Variants in TTYH3 observed in about 807,000 individuals in gnomAD.
TTYH3 encodes tweety family member 3, also known as protein tweety homolog 3.
In TTYH3, 23 loss-of-function variants were observed where a neutral mutation model predicts 68.2. The ratio of observed to expected loss-of-function variants is 0.34; its 90% CI spans 0.24 to 0.48. The LOEUF is 0.48. TTYH3 is among the 20% of genes least tolerant of loss of function. The probability of loss-of-function intolerance (pLI) is 0.99; values close to 1 mark genes in which losing one functional copy is unlikely to be tolerated. For missense variants in TTYH3, 768 were observed against 727.7 expected, an observed-to-expected ratio of 1.06 and a Z score of -0.64; for synonymous variants, 360 against 332.8, an observed-to-expected ratio of 1.08 and a Z score of -0.89.
intron 1 of TTYH3, among the ~76,000 whole-genome samples, chr7:2,644,395 G>A (rs896217417): frequency 6.6e-5 from 10 of 152,308 alleles, no homozygotes; most frequent in South Asian, 2.1e-4. Context: ...CATGGGTACC[G>A]TGCTGGGACT....
In TTYH3 at chr7:2,645,447, T is replaced by G. The variant is rs1785954736; in HGVS notation, c.124-1406T>G. On this transcript the variant is annotated intron_variant, in intron 1 of 13. Transcript: ENST00000258796. The surrounding 1 kb of genome is among the most constrained non-coding windows in gnomAD (Gnocchi z 4.8). ...CCCCGCAGCGGGTGCTGAGGAAATGTCACTGTTGCATCAAATTAGCCACTT... is the reference window on the plus strand; with the variant it reads ...CCCCGCAGCGGGTGCTGAGGAAATGGCACTGTTGCATCAAATTAGCCACTT... 1 of 172,948 alleles carries G rather than the reference T, an allele frequency of 5.8e-6. No individual in the cohort carries two copies. Among genetic ancestry groups the G allele is most frequent in the African/African-American group, 2.4e-5 (1 of 42,218 alleles). The allele number at this position is 172,948 out of a possible 1,614,324, so 10.7% of individuals were successfully genotyped here. A position where few individuals can be genotyped will look rare whatever the true frequency, so the allele number is the denominator to read the frequency against.
At position 2,647,983 on chromosome 7, in the gene TTYH3, G is replaced by A. The variant is rs767673952; in HGVS notation, c.651G>A (p.Leu217=). 1 of 1,610,102 alleles carries A rather than the reference G, an allele frequency of 6.2e-7. No individual in the cohort carries two copies. Among genetic ancestry groups the A allele is most frequent in the East Asian group, 2.2e-5 (1 of 44,876 alleles). Residue 217 remains leucine, a synonymous_variant, in exon 5 of 14, where the codon CTG becomes CTA. Coordinates refer to ENST00000258796, the MANE Select transcript of TTYH3 (RefSeq NM_025250.3). ...WYRWLGYLGL[L]LLDVIICLLV... ...GGTGGCTGGGCTACCTGGGCCTGCTGCTGCTGGACGTCATCATCTGCCTCC... is the reference window on the plus strand; with the variant it reads ...GGTGGCTGGGCTACCTGGGCCTGCTACTGCTGGACGTCATCATCTGCCTCC...
At chr7:2,653,945 C>T (rs533175680) in intron 9 of TTYH3, among the ~76,000 whole-genome samples, 21 of 152,188 alleles carry the variant, frequency 1.4e-4, no homozygotes, top group Non-Finnish European at 2.6e-4. Flanking sequence ...TTTGGTCCAC[C>T]CGTGGGGATC....
At chr7:2,652,158 G>A in intron 7 of TTYH3, 29 bp from the exon 8 acceptor site, 1 of 1,610,158 alleles carries the variant, frequency 6.2e-7, no homozygotes, top group South Asian at 1.1e-5. Flanking sequence ...AGCTGTTGCA[G>A]CTCAGCCTTC....
In TTYH3 at chr7:2,652,108, G is replaced by T. The variant is rs373899117; in HGVS notation, c.872-79G>T. The T allele has an allele frequency of 5.5e-6, 7 of 1,266,810 alleles. No homozygotes were observed. The African/African-American group carries it at 8.8e-5, about 16-fold the overall frequency. The allele number at this position is 1,266,810 out of a possible 1,614,324, so 78.5% of individuals were successfully genotyped here. ...GCACGCAGATGCCCTGAAGATATGC[G>T]TGCAGACACAGGCAGACGTGCACGC... On this transcript the variant is annotated intron_variant, in intron 7 of 13. Transcript: ENST00000258796.
chr7:2,657,185 A>T (rs1330122093), intron 11 of TTYH3, among the ~76,000 whole-genome samples: 2 of 152,164 alleles, frequency 1.3e-5, no homozygotes, highest in Non-Finnish European at 2.9e-5. Context: ...CTCCTCTCCC[A>T]CTTGGACTGT....
At chr7:2,637,708 A>G (rs939486555) in intron 1 of TTYH3, among the ~76,000 whole-genome samples, 21 of 152,246 alleles carry the variant, frequency 1.4e-4, no homozygotes, top group African/African-American at 5.1e-4. Context: ...GGCATGTGAC[A>G]GCGGGTGGAT....
At position 2,647,651 on chromosome 7, in the gene TTYH3, C is replaced by T; in HGVS notation, c.626+13C>T. ...ACGACTGGTACAGGTGCGGCCAGGC[C>T]CTCTTCCCTGCCCGCCCCACGTGGG... On this transcript the variant is annotated intron_variant, in intron 4 of 13. Transcript: ENST00000258796. 6.5e-7 allele frequency: 1 copy of T among 1,546,364 alleles called. No individual in the cohort carries two copies. Among genetic ancestry groups the T allele is most frequent in the Non-Finnish European group, 8.8e-7 (1 of 1,142,092 alleles).
At chr7:2,652,887 G>C (rs375093018) in intron 8 of TTYH3, 31 bp from the exon 9 acceptor site, 1 of 1,527,478 alleles carries the variant, frequency 6.5e-7, no homozygotes. Flanking sequence ...ACCCAGCAGC[G>C]CCCATGGACT....
chr7:2,644,124 T>A (rs898255889), intron 1 of TTYH3, among the ~76,000 whole-genome samples: 3 of 152,084 alleles, frequency 2.0e-5, no homozygotes, highest in African/African-American at 7.2e-5. Context: ...GGGGAGGCCC[T>A]GTGGATGGAA....
intron 9 of TTYH3, 40 bp downstream of exon 9, chr7:2,653,050 C>T (rs1046647303): frequency 3.3e-6 from 5 of 1,518,148 alleles, no homozygotes; most frequent in East Asian, 4.8e-5. Context: ...AGGCAGGGCT[C>T]CTCTTTTCTC....
chr7:2,647,252 G>T lies in TTYH3; in HGVS notation c.404G>T (p.Arg135Leu). 1 of 1,582,408 alleles carries T rather than the reference G, an allele frequency of 6.3e-7. No individual in the cohort carries two copies. ...CGCACGGTGGCCGGGGTCCAGGACC[G>T]CGTGAGTGGCCGCGGAGTTGGGGCC... ...ANRTVAGVQDRVWDTAVGLNH... is the reference protein window; with the variant it reads ...ANRTVAGVQDLVWDTAVGLNH... Residue 135 changes from arginine to leucine, a missense_variant and splice_region_variant, in exon 3 of 14, where the codon CGC (arginine) becomes CTC (leucine). Transcript: ENST00000258796.
intron 1 of TTYH3, among the ~76,000 whole-genome samples, chr7:2,639,445 C>A (rs868726831): frequency 6.6e-6 from 1 of 152,246 alleles, no homozygotes; most frequent in Non-Finnish European, 1.5e-5. Context: ...CCTCATTCCT[C>A]TTCCTGCCTC....
At chr7:2,639,585 C>T (rs182092413) in intron 1 of TTYH3, among the ~76,000 whole-genome samples, 485 of 152,368 alleles carry the variant, frequency 3.2e-3, no homozygotes, top group Middle Eastern at 0.01. Flanking sequence ...GCCCTGGAAG[C>T]TGATGCTCCC....
intron 1 of TTYH3, among the ~76,000 whole-genome samples, chr7:2,641,589 C>T (rs904135803): frequency 8.5e-5 from 13 of 152,368 alleles, no homozygotes; most frequent in Middle Eastern, 3.4e-3. Flanking sequence ...CCACCACAGA[C>T]GGAAAATTCC....
Position 2,660,851 on chromosome 7 carries a change from C to G in TTYH3, c.1501-817C>G, listed in dbSNP as rs571858805. 2.0e-5 allele frequency among the ~76,000 whole-genome samples: 3 copies of G among 152,320 alleles called. No homozygotes were observed. In the South Asian group the frequency reaches 6.2e-4, roughly 32 times the overall value. On this transcript the variant is annotated intron_variant, in intron 13 of 13. Coordinates refer to ENST00000258796, the MANE Select transcript of TTYH3 (RefSeq NM_025250.3). ...CTGACACGTGCCAGGCCTGTGGGTC[C>G]TTTGGCCTCAGCACATGCCTCGCAC... is the stretch of plus-strand genomic sequence containing the variant.
At chr7:2,634,617 G>A (rs921376087) in intron 1 of TTYH3, among the ~76,000 whole-genome samples, 2 of 152,068 alleles carry the variant, frequency 1.3e-5, no homozygotes. Context: ...GTGGCACGGG[G>A]GACTGGCCTT....
chr7:2,662,027 G>A lies in TTYH3; in HGVS notation c.*288G>A, dbSNP rs890065715. On this transcript the variant is annotated 3_prime_UTR_variant, in exon 14 of 14. Transcript: ENST00000258796. ...CGGCACGCTCCCTCTGCAGATGGTC[G>A]CCGCACCTACAAGCCCTGGCCGCAC... 4.6e-5 allele frequency: 26 copies of A among 571,198 alleles called. No homozygotes were observed. The highest frequency in any genetic ancestry group is 3.6e-4 in the African/African-American group (19 of 52,646). 35.4% of individuals were successfully genotyped at this position (571,198 alleles called of 1,614,324 possible).
At chr7:2,652,400 G>A (rs1470667768) in intron 8 of TTYH3, among the ~76,000 whole-genome samples, 158 bp downstream of exon 8, 2 of 152,202 alleles carry the variant, frequency 1.3e-5, no homozygotes, top group Non-Finnish European at 2.9e-5. Flanking sequence ...GTCACCAACA[G>A]CCCCTGGGGT....
Sources: allele counts gnomAD v4.1 joint callset (sites outside exome capture counted in the v4.1 genomes callset), GRCh38; gene constraint gnomAD v4.1.1; non-coding constraint Gnocchi (gnomAD v3.1); transcripts MANE v1.5; gene names NCBI Gene and HGNC (gene_info 2026-07-23, HGNC 2026-07-21).